The following PHF21A variants were observed in gnomAD, a reference collection of about 807,000 sequenced individuals.
PHF21A encodes the protein PHD finger protein 21A.
A neutral mutation model predicts 82.5 loss-of-function variants in PHF21A; 11 were observed. The observed-to-expected ratio is 0.13, with a 90% CI of 0.08 to 0.22. The LOEUF (loss-of-function observed/expected upper bound fraction) is 0.22, where lower values mean the gene tolerates loss of function less well. PHF21A is among the 10% of genes least tolerant of loss of function. The pLI is 1.00. For missense variants in PHF21A, 579 were observed against 837.8 expected (o/e 0.69, Z 3.81); for synonymous variants, 297 against 302.8 (o/e 0.98, Z 0.20).
intron 6 of PHF21A, chr11:46,026,897 T>C (rs1025931625): frequency 3.9e-5 from 6 of 152,196 alleles, no homozygotes; most frequent in South Asian, 2.1e-4. Context: ...TCTCCCAGCA[T>C]TGAAAAATGC....
intron 1 of PHF21A, among the ~76,000 whole-genome samples, chr11:46,092,804 C>T (rs2096941608): frequency 7.0e-6 from 1 of 142,208 alleles, no homozygotes; most frequent in Admixed American, 7.4e-5. Context: ...GTTGTCCAGG[C>T]TCAAGTGCAG....
At chr11:45,992,868 T>C (rs2094764121) in intron 6 of PHF21A, among the ~76,000 whole-genome samples, 1 of 152,228 alleles carries the variant, frequency 6.6e-6, no homozygotes, top group African/African-American at 2.4e-5. Context: ...ATTTAACCCC[T>C]GTCACATAAG....
chr11:46,043,637 A>G (rs2096199551), intron 6 of PHF21A, among the ~76,000 whole-genome samples: 1 of 152,150 alleles, frequency 6.6e-6, no homozygotes, highest in South Asian at 2.1e-4. Flanking sequence ...GCCATTAAAA[A>G]AAAAAACTGA....
chr11:45,964,877 ACAAT>A (rs1441012781), intron 10 of PHF21A, among the ~76,000 whole-genome samples: 4 of 152,248 alleles, frequency 2.6e-5, no homozygotes, highest in African/African-American at 9.6e-5. Flanking sequence ...ATTATCTGTA[ACAAT>A]CAAAGAAAAG....
intron 1 of PHF21A, chr11:46,118,614 G>A (rs1368566975): frequency 6.6e-6 from 1 of 152,096 alleles, no homozygotes; most frequent in Non-Finnish European, 1.5e-5. Flanking sequence ...TGAAAAGATA[G>A]GTCCTGGGAT....
chr11:45,965,784 T>C (rs1013186618), intron 9 of PHF21A, among the ~76,000 whole-genome samples, 176 bp from the exon 10 acceptor site: 12 of 152,188 alleles, frequency 7.9e-5, no homozygotes, highest in Non-Finnish European at 1.6e-4. Context: ...TCATCAGCTC[T>C]TGAGGTCCAA....
At chr11:46,113,713 C>T (rs2097252797) in intron 1 of PHF21A, among the ~76,000 whole-genome samples, 1 of 151,674 alleles carries the variant, frequency 6.6e-6, no homozygotes, top group Admixed American at 6.6e-5. Context: ...GTAGTCCCAG[C>T]TACTCAGGAG....
chr11:46,033,103 G>C (rs576357122), intron 6 of PHF21A, among the ~76,000 whole-genome samples: 7 of 152,046 alleles, frequency 4.6e-5, no homozygotes, highest in Non-Finnish European at 1.0e-4. Context: ...CCTGTGACTT[G>C]TATTTTTTCC....
intron 5 of PHF21A, 27 bp downstream of exon 5, chr11:46,079,107 T>C (rs1337013599): frequency 1.4e-6 from 2 of 1,395,100 alleles, no homozygotes; most frequent in East Asian, 2.3e-5. Flanking sequence ...AATTTAACAA[T>C]TAAATGAATA....
rs559939162 is a variant in PHF21A at position 46,018,852 on chromosome 11, C to T, written c.154-38886G>A. On this transcript the variant is annotated intron_variant, in intron 6 of 18. Coordinates refer to ENST00000676320, the MANE Select transcript of PHF21A (RefSeq NM_001352027.3). The stretch of plus-strand genomic sequence containing the variant: ...GCACTGCTTACTGCATACCATGACA[C>T]GCTCTCACAGATGCACATCACCAAT... Among the ~76,000 whole-genome samples the T allele has an allele frequency of 5.3e-5, 8 of 152,262 alleles. No individual in the cohort carries two copies. In the South Asian group the frequency reaches 1.7e-3, roughly 32 times the overall value.
chr11:45,965,752 G>T, intron 9 of PHF21A, 144 bp from the exon 10 acceptor site: 1 of 668,114 alleles, frequency 1.5e-6, no homozygotes, highest in Non-Finnish European at 2.4e-6. Context: ...TAGACCTCAG[G>T]GCATATAATC....
chr11:45,989,485 T>G (rs1591655225), intron 6 of PHF21A, among the ~76,000 whole-genome samples: 1 of 76,154 alleles, frequency 1.3e-5, no homozygotes, highest in Non-Finnish European at 2.5e-5. Flanking sequence ...AAACCCCATC[T>G]CTACTAAAAA....
At chr11:46,046,585 A>C (rs2096260784) in intron 6 of PHF21A, among the ~76,000 whole-genome samples, 1 of 152,198 alleles carries the variant, frequency 6.6e-6, no homozygotes, top group Non-Finnish European at 1.5e-5. Flanking sequence ...AATCTCACAG[A>C]GGCCTTTCTA....
rs1370857638 is a variant in PHF21A at position 45,946,046 on chromosome 11, G to T, written c.1289-43C>A. 2.5e-6 allele frequency: 4 copies of T among 1,614,036 alleles called. No homozygotes were observed. The Admixed American group carries it at 5.0e-5, about 20-fold the overall frequency. On this transcript the variant is annotated intron_variant, in intron 14 of 18. Transcript: ENST00000676320. Reference sequence around the variant, plus strand: ...GGAACAAAAGGGAAAAACGGGGAGGGAAAGAGAGGGGGAAAATGATCTTAC... The same window carrying T: ...GGAACAAAAGGGAAAAACGGGGAGGTAAAGAGAGGGGGAAAATGATCTTAC...
chr11:46,010,293 A>G (rs977415231), intron 6 of PHF21A, among the ~76,000 whole-genome samples: 1 of 152,266 alleles, frequency 6.6e-6, no homozygotes, highest in Non-Finnish European at 1.5e-5. Context: ...TTAAAATGTC[A>G]GCATTTTGTA....
chr11:45,943,120 C>CT (rs1565176969), intron 15 of PHF21A, among the ~76,000 whole-genome samples: 1 of 65,020 alleles, frequency 1.5e-5, no homozygotes, highest in Non-Finnish European at 3.4e-5. Flanking sequence ...ATCTTTCTTT[C>CT]CTTTTTTTTT....
chr11:46,098,427 T>C (rs2097034210), intron 1 of PHF21A, among the ~76,000 whole-genome samples: 1 of 152,184 alleles, frequency 6.6e-6, no homozygotes, highest in Non-Finnish European at 1.5e-5. Flanking sequence ...AACAAAACAA[T>C]TTTTCTAAGT....
intron 6 of PHF21A, among the ~76,000 whole-genome samples, chr11:46,034,665 T>C (rs780196213): frequency 3.3e-4 from 50 of 152,218 alleles, no homozygotes; most frequent in Non-Finnish European, 6.5e-4. Flanking sequence ...TATCTATGGC[T>C]GTGCTACTCG....
chr11:45,940,862 C>T (rs925107088), intron 15 of PHF21A, among the ~76,000 whole-genome samples: 4 of 152,100 alleles, frequency 2.6e-5, no homozygotes, highest in Admixed American at 1.3e-4. Context: ...TTGGGATAAA[C>T]GAAGAGGCGT....
Sources: allele counts gnomAD v4.1 joint callset (sites outside exome capture counted in the v4.1 genomes callset), GRCh38; gene constraint gnomAD v4.1.1; transcripts MANE v1.5; gene names NCBI Gene and HGNC (gene_info 2026-07-23, HGNC 2026-07-21).